The following DGKG variants were observed in gnomAD, a reference collection of about 807,000 sequenced individuals.
DGKG encodes the protein diacylglycerol kinase gamma.
Under a neutral mutation model 105.3 loss-of-function variants are expected in DGKG, and 78 were observed. The observed-to-expected ratio is 0.74, with a 90% confidence interval of 0.62 to 0.89. The LOEUF is 0.89. Ranked by LOEUF, DGKG falls within the 40% of genes least tolerant of loss-of-function variation. The pLI, the probability that DGKG is intolerant of heterozygous loss-of-function variation, is 0.00. For synonymous variants in DGKG, 346 were observed against 367.1 expected (o/e 0.94, Z 0.66); for missense variants, 958 against 1,020.1 (o/e 0.94, Z 0.83).
At chr3:186,241,700 A>C (rs1720694144) in intron 20 of DGKG, among the ~76,000 whole-genome samples, 1 of 152,224 alleles carries the variant, frequency 6.6e-6, no homozygotes, top group South Asian at 2.1e-4. Flanking sequence ...TGTCTGAAAT[A>C]GTGGTCATCT....
At chr3:186,313,081 T>C (rs1035029751) in intron 2 of DGKG, among the ~76,000 whole-genome samples, 35 of 152,190 alleles carry the variant, frequency 2.3e-4, no homozygotes, top group African/African-American at 8.2e-4. Context: ...CTCAGGGGTA[T>C]GGAAAGAAAA....
rs1414569796 is a variant in DGKG, at chr3:186,284,356, G to T, written c.594+304C>A. 6.6e-6 allele frequency among the ~76,000 whole-genome samples: 1 copy of T among 152,066 alleles called. No individual in the cohort carries two copies. The highest frequency in any genetic ancestry group is 2.4e-5 in the African/African-American group (1 of 41,382). The stretch of plus-strand genomic sequence containing the variant: ...GGCCTCAGGACTCCTGCAGGAAATT[G>T]CAGGAGGCGCTTGTGAACTGAATGG... On this transcript the variant is annotated intron_variant, in intron 7 of 24. Coordinates refer to ENST00000265022, the MANE Select transcript of DGKG (RefSeq NM_001346.3). The surrounding 1 kb of genome is among the most constrained non-coding windows in gnomAD (Gnocchi z 4.0).
intron 20 of DGKG, among the ~76,000 whole-genome samples, chr3:186,219,167 A>G (rs1422926599): frequency 1.3e-5 from 2 of 151,722 alleles, no homozygotes; most frequent in African/African-American, 2.4e-5. Flanking sequence ...AAAAAAAAAA[A>G]AAAAGAAAAG....
In DGKG at chr3:186,147,580, AG is replaced by A. The variant is rs1715562640; in HGVS notation, c.*2509del. On this transcript the variant is annotated 3_prime_UTR_variant, in exon 25 of 25. Transcript: ENST00000265022. ...GAAGTTGTTATACTCCATGCCTCTAAGAAGGACTTGGGATATGTCTCTCAAG... is the reference window on the plus strand; with the variant it reads ...GAAGTTGTTATACTCCATGCCTCTAAAAGGACTTGGGATATGTCTCTCAAG... 10 of 985,426 alleles carry A rather than the reference AG, an allele frequency of 1.0e-5. No homozygotes were observed. Among genetic ancestry groups the A allele is most frequent in the Non-Finnish European group, 1.2e-5 (10 of 829,922 alleles). The allele number at this position is 985,426 out of a possible 1,614,324, so 61.0% of individuals were successfully genotyped here. A position where few individuals can be genotyped will look rare whatever the true frequency, so the allele number is the denominator to read the frequency against.
In DGKG at chr3:186,188,388, C is replaced by A. The variant is rs113020411; in HGVS notation, c.1918-9G>T. On this transcript the variant is annotated splice_polypyrimidine_tract_variant and intron_variant, in intron 21 of 24. Transcript: ENST00000265022. ...ACCCCAACCCCATCACACTGGAGGA[C>A]GGAGAGAAAAGGCCATCTGTTAGTG... 6.2e-7 allele frequency: 1 copy of A among 1,613,322 alleles called. No individual in the cohort carries two copies. The highest frequency in any genetic ancestry group is 1.3e-5 in the African/African-American group (1 of 74,984).
chr3:186,198,470 T>G (rs114288770), intron 21 of DGKG, among the ~76,000 whole-genome samples: 2,973 of 152,316 alleles, frequency 0.02, 86 homozygotes, highest in African/African-American at 0.068. Flanking sequence ...TGCTAGACTC[T>G]AGGGATGGAG....
chr3:186,335,152 A>G (rs1725770827), intron 1 of DGKG, among the ~76,000 whole-genome samples: 1 of 152,156 alleles, frequency 6.6e-6, no homozygotes, highest in Non-Finnish European at 1.5e-5. Context: ...GCTCACTGCA[A>G]CCTTCGCCTC....
intron 14 of DGKG, among the ~76,000 whole-genome samples, chr3:186,263,423 C>T (rs1025288555): frequency 2.6e-5 from 4 of 151,696 alleles, no homozygotes; most frequent in Non-Finnish European, 5.9e-5. Flanking sequence ...AAAAATTAGC[C>T]GGGTGTAGTG....
At chr3:186,179,458 G>C (rs1271752837) in intron 22 of DGKG, among the ~76,000 whole-genome samples, 2 of 152,172 alleles carry the variant, frequency 1.3e-5, no homozygotes, top group East Asian at 3.8e-4. Context: ...TTGGCTAAGG[G>C]CAAGCCACTT....
At chr3:186,279,076 A>T (rs915804339) in intron 9 of DGKG, 1 of 152,364 alleles carries the variant, frequency 6.6e-6, no homozygotes, top group East Asian at 1.9e-4. Context: ...AGATTTGCCT[A>T]ACACACCCAG....
chr3:186,183,041 C>T (rs1377708364), intron 22 of DGKG, among the ~76,000 whole-genome samples: 1 of 152,136 alleles, frequency 6.6e-6, no homozygotes, highest in Non-Finnish European at 1.5e-5. Flanking sequence ...TTCCAGCAGC[C>T]ATTAGGTAGG....
chr3:186,188,374 A>G lies in DGKG; in HGVS notation c.1923T>C (p.Asp641=). 2 of 1,613,960 alleles carry G rather than the reference A, an allele frequency of 1.2e-6. No homozygotes were observed. Among genetic ancestry groups the G allele is most frequent in the East Asian group, 4.5e-5 (2 of 44,876 alleles). ...KLHDHIELEC[D]GVGVDLSNIF... ...TGTTGCTCAGGTCCACCCCAACCCC[A>G]TCACACTGGAGGACGGAGAGAAAAG... Residue 641 remains aspartate (D), a synonymous_variant, in exon 22 of 25, where the codon GAT becomes GAC. Transcript: ENST00000265022.
chr3:186,254,678 T>C (rs1721379518), intron 17 of DGKG, among the ~76,000 whole-genome samples: 1 of 152,174 alleles, frequency 6.6e-6, no homozygotes, highest in South Asian at 2.1e-4. Context: ...CCCATGGTGA[T>C]GCCTGAGTGC....
intron 20 of DGKG, among the ~76,000 whole-genome samples, chr3:186,228,959 T>A (rs1037621846): frequency 1.3e-4 from 20 of 152,098 alleles, no homozygotes; most frequent in African/African-American, 4.3e-4. Flanking sequence ...GGAAATAGGG[T>A]CTTCGCAGAT....
chr3:186,200,781 C>T (rs537542577), intron 21 of DGKG, among the ~76,000 whole-genome samples: 13 of 152,310 alleles, frequency 8.5e-5, no homozygotes, highest in South Asian at 4.1e-4. Context: ...GGAGTTCTGG[C>T]GGGTTTGTGT....
chr3:186,178,800 G>C (rs929276597), intron 22 of DGKG, among the ~76,000 whole-genome samples: 2 of 152,202 alleles, frequency 1.3e-5, no homozygotes, highest in African/African-American at 2.4e-5. Flanking sequence ...TGCGAAGCTG[G>C]GGTCGGGTTG....
Position 186,161,606 on chromosome 3 carries a change from G to A in DGKG, c.2274C>T (p.Cys758=). ...CTCAAAGATTGGCAAGACTCACCGT[G>A]CAACATGGCTGCATCCAGGGTTCTC... is the stretch of plus-strand genomic sequence containing the variant. ...VDGEPWMQPC[C]TIKITHKNQA... Residue 758 remains cysteine (C), a synonymous_variant, in exon 24 of 25, where the codon TGC becomes TGT. Transcript: ENST00000265022. 1 of 1,614,186 alleles carries A rather than the reference G, an allele frequency of 6.2e-7. No individual in the cohort carries two copies. The highest frequency in any genetic ancestry group is 8.5e-7 in the Non-Finnish European group (1 of 1,180,028).
At chr3:186,234,430 T>C (rs1720313842) in intron 20 of DGKG, among the ~76,000 whole-genome samples, 1 of 152,208 alleles carries the variant, frequency 6.6e-6, no homozygotes, top group Non-Finnish European at 1.5e-5. Context: ...ACCTCAACTC[T>C]TGTGAACTGA....
intron 1 of DGKG, among the ~76,000 whole-genome samples, chr3:186,349,267 G>T (rs750578100): frequency 6.6e-6 from 1 of 151,914 alleles, no homozygotes; most frequent in African/African-American, 2.4e-5. Context: ...TTAATGTATT[G>T]AATAATAGCC....
Sources: allele counts gnomAD v4.1 joint callset (sites outside exome capture counted in the v4.1 genomes callset), GRCh38; gene constraint gnomAD v4.1.1; non-coding constraint Gnocchi (gnomAD v3.1); transcripts MANE v1.5; gene names NCBI Gene and HGNC (gene_info 2026-07-23, HGNC 2026-07-21).